Variants in KIF3B observed in about 807,000 individuals in gnomAD.
KIF3B encodes the protein kinesin-like protein KIF3B.
KIF3B carries 38 observed loss-of-function variants against 74.3 expected under a neutral mutation model. That is an observed-to-expected ratio of 0.51 (90% CI 0.39 to 0.67). The LOEUF is 0.67. Ranked by LOEUF, KIF3B falls within the 30% of genes least tolerant of loss-of-function variation. The pLI is 0.00. For missense variants in KIF3B, 649 were observed against 932.0 expected (o/e 0.70, Z 3.95); for synonymous variants, 326 against 342.5 (o/e 0.95, Z 0.53).
intron 1 of KIF3B, among the ~76,000 whole-genome samples, chr20:32,303,478 T>G (rs2047754113): frequency 6.6e-6 from 1 of 151,788 alleles, no homozygotes; most frequent in African/African-American, 2.4e-5. Context: ...GGCAGGAGAA[T>G]TGCTTGAACC....
rs1491556604 is a variant in KIF3B at position 32,322,698 on chromosome 20, ATT to A, written c.1749-4071_1749-4070del. On this transcript the variant is annotated intron_variant, in intron 5 of 8. Transcript: ENST00000375712. ...TATATATTTATATATATTTATATAT[ATT>A]TATATATTTATATATATTTATATTT... is the stretch of plus-strand genomic sequence containing the variant. Among the ~76,000 whole-genome samples the A allele has an allele frequency of 4.7e-5, 2 of 42,920 alleles. 1 individual carries two copies. The highest frequency in any genetic ancestry group is 2.1e-4 in the African/African-American group (2 of 9,402). The allele number at this position is 42,920 out of a possible 152,430, so 28.2% of individuals were successfully genotyped here. A position where few individuals can be genotyped will look rare whatever the true frequency, so the allele number is the denominator to read the frequency against.
In KIF3B at chr20:32,331,428, G is replaced by A; in HGVS notation, c.*109G>A. On this transcript the variant is annotated 3_prime_UTR_variant, in exon 9 of 9. Transcript: ENST00000375712. ...CCCAAACTCAGAACTGTTCCCCTGA[G>A]GAGAAGCGGTGGCCTCTTTGCAGAT... 1 of 833,416 alleles carries A rather than the reference G, an allele frequency of 1.2e-6. No homozygotes were observed. Among genetic ancestry groups the A allele is most frequent in the East Asian group, 2.5e-5 (1 of 39,240 alleles). 51.6% of individuals were successfully genotyped at this position (833,416 alleles called of 1,614,324 possible). A position where few individuals can be genotyped will look rare whatever the true frequency, so the allele number is the denominator to read the frequency against.
chr20:32,304,598 T>A (rs1158932272), intron 1 of KIF3B, among the ~76,000 whole-genome samples: 1 of 152,156 alleles, frequency 6.6e-6, no homozygotes, highest in Non-Finnish European at 1.5e-5. Context: ...GATGCTGCTG[T>A]TGCAGAGAAT....
intron 1 of KIF3B, among the ~76,000 whole-genome samples, chr20:32,287,872 C>CTTTTTTTT (rs10699896): frequency 2.1e-5 from 1 of 47,494 alleles, no homozygotes; most frequent in Non-Finnish European, 3.7e-5. Context: ...CTAAAAGTAT[C>CTTTTTTTT]TTTTTTTTTT....
chr20:32,323,094 T>TTA (rs1184426868), intron 5 of KIF3B, among the ~76,000 whole-genome samples: 3 of 66,870 alleles, frequency 4.5e-5, no homozygotes, highest in Non-Finnish European at 9.2e-5. Flanking sequence ...ATATTTATAT[T>TTA]TATATATTTA....
intron 1 of KIF3B, among the ~76,000 whole-genome samples, chr20:32,283,503 C>CA (rs879799495): frequency 0.033 from 4,362 of 130,558 alleles, 233 homozygotes; most frequent in African/African-American, 0.11. Context: ...GACTCCGTCT[C>CA]AAAAAAAAAA....
At chr20:32,319,771 A>C (rs953586720) in intron 5 of KIF3B, among the ~76,000 whole-genome samples, 1 of 150,600 alleles carries the variant, frequency 6.6e-6, no homozygotes, top group Non-Finnish European at 1.5e-5. Flanking sequence ...TTTTTAGTAG[A>C]GATGGGGTGT....
At chr20:32,327,334 GCTGT>G (rs2047908634) in intron 6 of KIF3B, among the ~76,000 whole-genome samples, 1 of 152,122 alleles carries the variant, frequency 6.6e-6, no homozygotes. Context: ...CTTTGTGAAT[GCTGT>G]CTAAGAACTG....
At chr20:32,306,442 A>G (rs978579015) in intron 1 of KIF3B, among the ~76,000 whole-genome samples, 18 of 152,156 alleles carry the variant, frequency 1.2e-4, no homozygotes, top group African/African-American at 4.3e-4. Context: ...TATGTAATGC[A>G]TTATACCACA....
Position 32,331,638 on chromosome 20 carries a change from G to C in KIF3B, c.*319G>C. On this transcript the variant is annotated 3_prime_UTR_variant, in exon 9 of 9. Transcript: ENST00000375712. Reference sequence around the variant, plus strand: ...CTTGCCTTCTTCTCCCCCTTCCCCTGTGCTCCCTTTCTCTCCTCTCTCCTT... The same window carrying C: ...CTTGCCTTCTTCTCCCCCTTCCCCTCTGCTCCCTTTCTCTCCTCTCTCCTT... 3 of 329,888 alleles carry C rather than the reference G, an allele frequency of 9.1e-6. No individual in the cohort carries two copies. Among genetic ancestry groups the C allele is most frequent in the Middle Eastern group, 8.5e-4 (1 of 1,178 alleles). 20.4% of individuals were successfully genotyped at this position (329,888 alleles called of 1,614,324 possible). A position where few individuals can be genotyped will look rare whatever the true frequency, so the allele number is the denominator to read the frequency against.
At chr20:32,293,966 C>A (rs781146540) in intron 1 of KIF3B, among the ~76,000 whole-genome samples, 1 of 152,082 alleles carries the variant, frequency 6.6e-6, no homozygotes, top group Non-Finnish European at 1.5e-5. Flanking sequence ...TAACCTTGGG[C>A]AAATTAATTT....
intron 5 of KIF3B, among the ~76,000 whole-genome samples, chr20:32,320,184 T>C (rs2047852708): frequency 6.6e-6 from 1 of 152,086 alleles, no homozygotes; most frequent in Non-Finnish European, 1.5e-5. Flanking sequence ...CGTGAGCCAC[T>C]GTGCCCGGCT....
intron 1 of KIF3B, among the ~76,000 whole-genome samples, chr20:32,278,921 C>CT (rs57355936): frequency 0.032 from 3,759 of 118,338 alleles, 123 homozygotes; most frequent in African/African-American, 0.061. Context: ...CTTAAGAATC[C>CT]TTTTTTTTTT....
chr20:32,327,234 G>A (rs1470661276), intron 6 of KIF3B, among the ~76,000 whole-genome samples: 2 of 152,112 alleles, frequency 1.3e-5, no homozygotes, highest in African/African-American at 2.4e-5. Flanking sequence ...CCACAGTGTT[G>A]AGAAGGATTC....
intron 5 of KIF3B, among the ~76,000 whole-genome samples, chr20:32,320,363 CTTT>C (rs2047854005): frequency 6.6e-6 from 1 of 151,414 alleles, no homozygotes; most frequent in African/African-American, 2.4e-5. Flanking sequence ...ATTGTATTTT[CTTT>C]TGTTTATTTT....
intron 2 of KIF3B, among the ~76,000 whole-genome samples, chr20:32,312,868 A>G (rs2047808066): frequency 2.6e-5 from 4 of 152,226 alleles, no homozygotes; most frequent in Admixed American, 1.3e-4. Flanking sequence ...GTGGTTGTGC[A>G]GATTGAAACA....
intron 7 of KIF3B, among the ~76,000 whole-genome samples, chr20:32,329,672 G>GTA (rs1222966175): frequency 6.6e-6 from 1 of 152,114 alleles, no homozygotes; most frequent in Admixed American, 6.6e-5. Context: ...TACACCAGAA[G>GTA]TATATATATG....
intron 5 of KIF3B, 99 bp downstream of exon 5, chr20:32,316,973 C>T (rs975348231): frequency 1.3e-5 from 12 of 893,010 alleles, no homozygotes; most frequent in East Asian, 5.0e-5. Flanking sequence ...TGGTGGCCTA[C>T]GCCTGTAATC....
At position 32,330,254 on chromosome 20, in the gene KIF3B, T is replaced by C. The variant is rs1378577454; in HGVS notation, c.2082T>C (p.Asp694=). 6.2e-7 allele frequency: 1 copy of C among 1,613,890 alleles called. No individual in the cohort carries two copies. The highest frequency in any genetic ancestry group is 2.2e-5 in the East Asian group (1 of 44,878). The change falls in exon 8 of 9, where the codon GAT becomes GAC. Residue 694 remains aspartate (D), a synonymous_variant. Coordinates refer to ENST00000375712, the MANE Select transcript of KIF3B (RefSeq NM_004798.4). ...VQAALDAALQ[D]EDEIQVDASS... ...CTGCATTGGATGCGGCTCTGCAGGA[T>C]GAAGATGAGATACAGGTGGATGCAT...
Sources: gnomAD v4.1 joint callset for allele counts (sites outside exome capture counted in the v4.1 genomes callset) on GRCh38, gnomAD v4.1.1 for gene constraint, MANE v1.5 for transcripts, NCBI Gene and HGNC (gene_info 2026-07-23, HGNC 2026-07-21) for gene names.